The following NCOA1 variants were observed in gnomAD, a reference collection of about 807,000 sequenced individuals.
NCOA1 encodes nuclear receptor coactivator 1.
In NCOA1, 35 loss-of-function variants were observed where a neutral mutation model predicts 150.9. The ratio of observed to expected loss-of-function variants is 0.23; its 90% CI spans 0.18 to 0.31. The LOEUF (loss-of-function observed/expected upper bound fraction) is 0.31. Among genes scored for constraint, NCOA1 ranks in the 10% least tolerant of loss-of-function variants. The pLI is 1.00. For missense variants in NCOA1, 1,491 were observed against 1,749.3 expected (o/e 0.85, Z 2.63); for synonymous variants, 590 against 630.0 (o/e 0.94, Z 0.95).
At chr2:24,669,867 G>T (rs1005656418) in intron 6 of NCOA1, among the ~76,000 whole-genome samples, 5 of 152,210 alleles carry the variant, frequency 3.3e-5, no homozygotes, top group African/African-American at 1.2e-4. Context: ...GCTGGGTGCT[G>T]TGGCTCACGC....
At chr2:24,666,879 T>C (rs1671456248) in intron 6 of NCOA1, among the ~76,000 whole-genome samples, 1 of 152,116 alleles carries the variant, frequency 6.6e-6, no homozygotes, top group South Asian at 2.1e-4. Flanking sequence ...TTTTACTACC[T>C]ATATTTACTG....
At chr2:24,509,982 G>A (rs1448657238) in intron 1 of NCOA1, among the ~76,000 whole-genome samples, 2 of 152,190 alleles carry the variant, frequency 1.3e-5, no homozygotes. Context: ...TTGCATGTGT[G>A]ACAGACTAAG....
intron 11 of NCOA1, among the ~76,000 whole-genome samples, chr2:24,698,872 A>AT (rs371555918): frequency 2.6e-5 from 4 of 151,910 alleles, no homozygotes; most frequent in African/African-American, 9.7e-5. Context: ...AAGTAGTTTG[A>AT]TTTTTTTTCT....
At chr2:24,751,318 C>T (rs149541520) in intron 19 of NCOA1, among the ~76,000 whole-genome samples, 3,951 of 150,912 alleles carry the variant, frequency 0.026, 54 homozygotes, top group African/African-American at 0.037. Context: ...CGCGGTGGCT[C>T]ACACCTGTAA....
chr2:24,525,219 A>G (rs1664598114), intron 1 of NCOA1, among the ~76,000 whole-genome samples: 1 of 152,206 alleles, frequency 6.6e-6, no homozygotes, highest in Non-Finnish European at 1.5e-5. Context: ...CCTCTCACTT[A>G]CTTGCTCTGA....
intron 8 of NCOA1, among the ~76,000 whole-genome samples, chr2:24,686,148 C>G (rs1672393063): frequency 6.6e-6 from 1 of 152,028 alleles, no homozygotes. Flanking sequence ...ATTACATGTG[C>G]CCACCACCAC....
intron 1 of NCOA1, among the ~76,000 whole-genome samples, chr2:24,543,752 A>G (rs909844146): frequency 5.9e-5 from 9 of 152,172 alleles, no homozygotes; most frequent in Non-Finnish European, 1.0e-4. Flanking sequence ...AAAGTGAGAG[A>G]AGGATGACAG....
intron 4 of NCOA1, among the ~76,000 whole-genome samples, chr2:24,652,704 T>C (rs1670763313): frequency 6.6e-6 from 1 of 152,112 alleles, no homozygotes; most frequent in African/African-American, 2.4e-5. Context: ...AGTTTCTAGT[T>C]CCTAAAACTA....
chr2:24,726,676 T>G lies in NCOA1; in HGVS notation c.2687T>G (p.Val896Gly), dbSNP rs748842952. 1 of 1,610,782 alleles carries G rather than the reference T, an allele frequency of 6.2e-7. No individual in the cohort carries two copies. Among genetic ancestry groups the G allele is most frequent in the Non-Finnish European group, 8.5e-7 (1 of 1,178,386 alleles). ...CAGATTCCATGGACAAATAATACAG[T>G]GACAGCTATAAATCAGAGTAAATCA... ...GDQIPWTNNT[V>G]TAINQSKSED... The change falls in exon 15 of 23, where the codon GTG (valine) becomes GGG (glycine). Residue 896 changes from valine to glycine, a missense_variant. Coordinates refer to ENST00000348332, the MANE Select transcript of NCOA1 (RefSeq NM_003743.5).
chr2:24,625,900 T>C (rs1037878444), intron 3 of NCOA1, among the ~76,000 whole-genome samples: 1 of 152,226 alleles, frequency 6.6e-6, no homozygotes, highest in Non-Finnish European at 1.5e-5. Flanking sequence ...TTAATCCTTT[T>C]AAATTTATTT....
chr2:24,585,987 A>G (rs185579127), intron 3 of NCOA1, among the ~76,000 whole-genome samples: 6 of 152,290 alleles, frequency 3.9e-5, no homozygotes, highest in Non-Finnish European at 8.8e-5. Flanking sequence ...TTAAAGATTC[A>G]TTTGGGGCCA....
intron 3 of NCOA1, among the ~76,000 whole-genome samples, chr2:24,626,960 T>C (rs1258618487): frequency 6.6e-6 from 1 of 152,180 alleles, no homozygotes; most frequent in Non-Finnish European, 1.5e-5. Flanking sequence ...GCCTATCACA[T>C]ATTAGGCTTT....
intron 7 of NCOA1, among the ~76,000 whole-genome samples, chr2:24,681,456 C>T (rs13026872): frequency 0.41 from 62,168 of 152,014 alleles, 15,238 homozygotes; most frequent in Admixed American, 0.59. Flanking sequence ...ACAAGCTATT[C>T]AGGTCATTTT....
At chr2:24,695,261 C>G (rs1390344415) in intron 10 of NCOA1, among the ~76,000 whole-genome samples, 1 of 151,768 alleles carries the variant, frequency 6.6e-6, no homozygotes, top group Non-Finnish European at 1.5e-5. Context: ...AAAAATTAGC[C>G]TCTGGGCCAT....
chr2:24,591,122 T>C (rs1667639283), intron 3 of NCOA1, among the ~76,000 whole-genome samples: 1 of 152,214 alleles, frequency 6.6e-6, no homozygotes. Flanking sequence ...AATAGTAATG[T>C]AATTGGAAAG....
chr2:24,559,514 C>T (rs1572418840), intron 1 of NCOA1, among the ~76,000 whole-genome samples: 1 of 152,148 alleles, frequency 6.6e-6, no homozygotes, highest in Non-Finnish European at 1.5e-5. Flanking sequence ...TTATTCAGTG[C>T]CATGCTTGTG....
chr2:24,508,332 G>A (rs1185380438), intron 1 of NCOA1, among the ~76,000 whole-genome samples: 19 of 152,066 alleles, frequency 1.2e-4, no homozygotes. Context: ...TTCAGAATAA[G>A]ACTTTTATAT....
intron 6 of NCOA1, among the ~76,000 whole-genome samples, chr2:24,667,329 G>T (rs138562002): frequency 6.6e-6 from 1 of 151,990 alleles, no homozygotes; most frequent in Non-Finnish European, 1.5e-5. Context: ...CTGAGCAGTC[G>T]GAAGATGAAG....
rs567046370 is a variant in NCOA1, at chr2:24,529,347, A to G, written c.-395-34948A>G. On this transcript the variant is annotated intron_variant, in intron 1 of 22. Transcript: ENST00000348332. ...AGGGCAGAGTTATTTATTTCTCTAG[A>G]GGCAGGACCTCTCACTGTTGCCCAG... 2.6e-5 allele frequency among the ~76,000 whole-genome samples: 4 copies of G among 152,328 alleles called. No homozygotes were observed. In the East Asian group the frequency reaches 7.7e-4, roughly 29 times the overall value.
Sources: allele counts gnomAD v4.1 joint callset (sites outside exome capture counted in the v4.1 genomes callset), GRCh38; gene constraint gnomAD v4.1.1; transcripts MANE v1.5; gene names NCBI Gene and HGNC (gene_info 2026-07-23, HGNC 2026-07-21).